The following MITF variants were observed in gnomAD, a reference collection of about 807,000 sequenced individuals.
MITF encodes microphthalmia-associated transcription factor.
A neutral mutation model predicts 60.5 loss-of-function variants in MITF; 17 were observed. That is an observed-to-expected ratio of 0.28 (90% CI 0.19 to 0.42). The LOEUF is 0.42. Ranked by LOEUF, MITF falls within the 10% of genes least tolerant of loss-of-function variation. The pLI is 1.00. For missense variants in MITF, 622 were observed against 683.5 expected, an observed-to-expected ratio of 0.91 and a Z score of 1.00; for synonymous variants, 260 against 248.5, an observed-to-expected ratio of 1.05 and a Z score of -0.43.
At chr3:69,894,188 A>C (rs2064821902) in intron 2 of MITF, among the ~76,000 whole-genome samples, 1 of 152,234 alleles carries the variant, frequency 6.6e-6, no homozygotes. Flanking sequence ...AAATACATTT[A>C]ATCACAGCCT....
chr3:69,772,455 G>C (rs1020539835), intron 1 of MITF, among the ~76,000 whole-genome samples: 2 of 152,142 alleles, frequency 1.3e-5, no homozygotes, highest in African/African-American at 2.4e-5. Flanking sequence ...ATCCTTTTCT[G>C]TCTTAAGCTG....
At chr3:69,832,911 A>G (rs1249384685) in intron 1 of MITF, among the ~76,000 whole-genome samples, 5 of 151,854 alleles carry the variant, frequency 3.3e-5, no homozygotes, top group Admixed American at 6.6e-5. Flanking sequence ...GCTTAGTTAC[A>G]CTGTATGTGG....
chr3:69,945,075 A>G (rs1261991327), intron 5 of MITF, among the ~76,000 whole-genome samples: 2 of 152,200 alleles, frequency 1.3e-5, no homozygotes, highest in Non-Finnish European at 2.9e-5. Context: ...TGAGAGCACA[A>G]GGGCCCTCTT....
At chr3:69,908,019 T>G (rs140376121) in intron 2 of MITF, among the ~76,000 whole-genome samples, 32 of 152,222 alleles carry the variant, frequency 2.1e-4, no homozygotes, top group African/African-American at 7.2e-4. Flanking sequence ...AATATCCAGC[T>G]TTTTTTGTTG....
chr3:69,902,022 A>AT (rs1019896263), intron 2 of MITF, among the ~76,000 whole-genome samples: 26 of 152,302 alleles, frequency 1.7e-4, no homozygotes, highest in Admixed American at 1.6e-3. Context: ...TTTGCTTTGC[A>AT]TTGGCAACTG....
intron 1 of MITF, among the ~76,000 whole-genome samples, chr3:69,744,407 T>A (rs1005436190): frequency 1.3e-5 from 2 of 152,182 alleles, no homozygotes; most frequent in African/African-American, 4.8e-5. Context: ...AGCCTTGTTC[T>A]GCCATCGATG....
At chr3:69,913,219 T>G (rs1469795952) in intron 2 of MITF, among the ~76,000 whole-genome samples, 2 of 152,112 alleles carry the variant, frequency 1.3e-5, no homozygotes, top group South Asian at 4.1e-4. Flanking sequence ...TTAAATTAAT[T>G]AAAGAGTAGA....
intron 1 of MITF, among the ~76,000 whole-genome samples, chr3:69,833,395 AC>A (rs559616289): frequency 2.6e-4 from 39 of 151,996 alleles, no homozygotes; most frequent in African/African-American, 8.9e-4. Context: ...TTCCCTGTTT[AC>A]ACTGTATGTG....
intron 1 of MITF, among the ~76,000 whole-genome samples, chr3:69,761,506 C>T (rs567250837): frequency 4.6e-5 from 7 of 152,100 alleles, no homozygotes; most frequent in African/African-American, 7.2e-5. Flanking sequence ...TTTTGGTGTT[C>T]GGAGGTTTGG....
intron 2 of MITF, among the ~76,000 whole-genome samples, chr3:69,936,127 A>T (rs1402268490): frequency 3.9e-5 from 6 of 152,200 alleles, no homozygotes; most frequent in Admixed American, 2.0e-4. Flanking sequence ...TAAGACCAGG[A>T]TGCAAGAAGA....
At chr3:69,798,036 A>G (rs749335616) in intron 1 of MITF, among the ~76,000 whole-genome samples, 11 of 152,228 alleles carry the variant, frequency 7.2e-5, no homozygotes, top group South Asian at 2.1e-4. Flanking sequence ...TGTTGGCTTC[A>G]GTGGATCTGA....
In MITF at chr3:69,967,739, G is replaced by A. The variant is rs968936909; in HGVS notation, c.*2491G>A. The A allele has an allele frequency of 8.6e-6, 2 of 232,918 alleles. No homozygotes were observed. The highest frequency in any genetic ancestry group is 5.6e-5 in the Admixed American group (1 of 17,768). The allele number at this position is 232,918 out of a possible 1,614,324, so 14.4% of individuals were successfully genotyped here. ...ATTTATTTCTTTTTTGCCAAATAGA[G>A]TGTGGATTCATTTCAGGGGCTAGCT... is the stretch of plus-strand genomic sequence containing the variant. On this transcript the variant is annotated 3_prime_UTR_variant, in exon 10 of 10. Coordinates refer to ENST00000352241, the MANE Select transcript of MITF (RefSeq NM_001354604.2).
Position 69,922,422 on chromosome 3 carries a change from A to C in MITF, c.355-15400A>C, listed in dbSNP as rs373495217. Among the ~76,000 whole-genome samples the C allele has an allele frequency of 3.0e-4, 45 of 152,186 alleles. No individual in the cohort carries two copies. In the East Asian group the frequency reaches 3.9e-3, roughly 13 times the overall value. On this transcript the variant is annotated intron_variant, in intron 2 of 9. Transcript: ENST00000352241. ...TTTTTAGTAAAGTTAGGGTTTCACC[A>C]TGTTGGCCAGGATGGTCTCGATCTC... is the stretch of plus-strand genomic sequence containing the variant.
chr3:69,739,555 C>G lies in MITF; in HGVS notation c.-43C>G. 6.6e-7 allele frequency: 1 copy of G among 1,523,100 alleles called. No individual in the cohort carries two copies. The highest frequency in any genetic ancestry group is 8.9e-7 in the Non-Finnish European group (1 of 1,120,310). The allele number at this position is 1,523,100 out of a possible 1,614,324, so 94.3% of individuals were successfully genotyped here. A position where few individuals can be genotyped will look rare whatever the true frequency, so the allele number is the denominator to read the frequency against. ...GCTACCTTCCCTCCGCCCCCGGGCT[C>G]TGTTCTCACTTTCCAGCAGTGGAAG... On this transcript the variant is annotated 5_prime_UTR_variant, in exon 1 of 10. Coordinates refer to ENST00000352241, the MANE Select transcript of MITF (RefSeq NM_001354604.2).
intron 1 of MITF, among the ~76,000 whole-genome samples, chr3:69,815,616 T>C (rs1033299236): frequency 7.2e-5 from 11 of 152,224 alleles, no homozygotes; most frequent in Non-Finnish European, 1.0e-4. Context: ...ATTTATATTA[T>C]TGGTAAGCCT....
At chr3:69,844,329 C>A (rs1306764392) in intron 1 of MITF, among the ~76,000 whole-genome samples, 1 of 152,080 alleles carries the variant, frequency 6.6e-6, no homozygotes, top group Non-Finnish European at 1.5e-5. Flanking sequence ...CATCTACAAC[C>A]ATCTGATCTT....
chr3:69,868,899 C>CAA (rs75440769), intron 1 of MITF, among the ~76,000 whole-genome samples: 1,431 of 77,194 alleles, frequency 0.019, 31 homozygotes, highest in African/African-American at 0.055. Context: ...GACTCCATCT[C>CAA]AAAAAAAAAA....
intron 1 of MITF, among the ~76,000 whole-genome samples, chr3:69,790,295 C>T (rs943288250): frequency 4.6e-5 from 7 of 151,862 alleles, no homozygotes; most frequent in Non-Finnish European, 1.0e-4. Flanking sequence ...CTCATAGAGA[C>T]AGAAAGTACA....
chr3:69,844,666 A>G (rs1311149665), intron 1 of MITF, among the ~76,000 whole-genome samples: 9 of 152,242 alleles, frequency 5.9e-5, no homozygotes, highest in African/African-American at 1.4e-4. Flanking sequence ...AAAAGAAACT[A>G]TCATAAGAGT....
Sources: allele counts gnomAD v4.1 joint callset (sites outside exome capture counted in the v4.1 genomes callset), GRCh38; gene constraint gnomAD v4.1.1; transcripts MANE v1.5; gene names NCBI Gene and HGNC (gene_info 2026-07-23, HGNC 2026-07-21).